Variants in CDIN1 observed in about 807,000 individuals in gnomAD.
The protein encoded by CDIN1 is CDAN1 interacting nuclease 1.
In CDIN1, 33 loss-of-function variants were observed where a neutral mutation model predicts 45.3. That is an observed-to-expected ratio of 0.73 (90% confidence interval 0.55 to 0.97). The LOEUF is 0.97. CDIN1 is among the 50% of genes least tolerant of loss of function. The pLI, the probability that CDIN1 is intolerant of heterozygous loss-of-function variation, is 0.00. For synonymous variants in CDIN1, 118 were observed against 124.4 expected, an observed-to-expected ratio of 0.95 and a Z score of 0.34; for missense variants, 303 against 339.4, an observed-to-expected ratio of 0.89 and a Z score of 0.84.
intron 10 of CDIN1, among the ~76,000 whole-genome samples, chr15:36,777,515 G>T (rs552034277): frequency 1.3e-5 from 2 of 152,082 alleles, no homozygotes; most frequent in East Asian, 3.9e-4. Context: ...GCCACACACA[G>T]TCAACCATTT....
chr15:36,739,990 A>T (rs571522169), intron 10 of CDIN1, among the ~76,000 whole-genome samples: 33 of 152,320 alleles, frequency 2.2e-4, no homozygotes, highest in South Asian at 1.7e-3. Flanking sequence ...AAAACAACAA[A>T]TTTATTTTGT....
chr15:36,686,802 T>G (rs1595470839), intron 5 of CDIN1, among the ~76,000 whole-genome samples: 11 of 101,516 alleles, frequency 1.1e-4, no homozygotes, highest in East Asian at 3.3e-4. Context: ...GACAGAAGGA[T>G]GGAGGGAGGG....
intron 3 of CDIN1, among the ~76,000 whole-genome samples, chr15:36,651,611 A>G (rs961860039): frequency 2.6e-5 from 4 of 152,194 alleles, no homozygotes; most frequent in Non-Finnish European, 5.9e-5. Context: ...ATTGGAAAAC[A>G]AATAAATTTA....
chr15:36,644,462 G>A lies in CDIN1; in HGVS notation c.147+139G>A, dbSNP rs1031510138. The A allele has an allele frequency of 2.6e-5, 22 of 838,230 alleles. 1 individual carries two copies. The highest frequency in any genetic ancestry group is 3.5e-4 in the Middle Eastern group (1 of 2,844). 51.9% of individuals were successfully genotyped at this position (838,230 alleles called of 1,614,324 possible). Reference sequence around the variant, plus strand: ...CCTTTCCACATCAAGCACCGCCTGCGTCTCGGTGGAGGCCTGCCAAGCCTA... The same window carrying A: ...CCTTTCCACATCAAGCACCGCCTGCATCTCGGTGGAGGCCTGCCAAGCCTA... On this transcript the variant is annotated intron_variant, in intron 2 of 10. Coordinates refer to ENST00000566621, the MANE Select transcript of CDIN1 (RefSeq NM_001321759.2).
intron 10 of CDIN1, among the ~76,000 whole-genome samples, chr15:36,762,182 T>G (rs546680633): frequency 6.6e-6 from 1 of 150,542 alleles, no homozygotes; most frequent in East Asian, 2.0e-4. Flanking sequence ...TTGTGAGCAC[T>G]CCTAGACTTC....
intron 10 of CDIN1, among the ~76,000 whole-genome samples, chr15:36,751,514 T>C (rs1226143409): frequency 1.3e-5 from 2 of 151,292 alleles, no homozygotes; most frequent in Non-Finnish European, 2.9e-5. Context: ...GGCAACATGG[T>C]GAGACCCCAT....
chr15:36,634,408 G>T (rs1390378228), intron 1 of CDIN1, among the ~76,000 whole-genome samples: 2 of 152,028 alleles, frequency 1.3e-5, no homozygotes, highest in Non-Finnish European at 2.9e-5. Flanking sequence ...TGCAGAGAGA[G>T]CAAGACTCCG....
At chr15:36,595,691 G>A (rs1398380086) in intron 1 of CDIN1, among the ~76,000 whole-genome samples, 3 of 152,182 alleles carry the variant, frequency 2.0e-5, no homozygotes, top group African/African-American at 7.2e-5. Context: ...TGGAATGGCA[G>A]GAAACCATGC....
chr15:36,725,862 A>G (rs1203850962), intron 10 of CDIN1, among the ~76,000 whole-genome samples: 1 of 152,008 alleles, frequency 6.6e-6, no homozygotes, highest in Non-Finnish European at 1.5e-5. Flanking sequence ...TTAAAAAAAA[A>G]TACTCTTTTT....
intron 10 of CDIN1, among the ~76,000 whole-genome samples, chr15:36,748,484 T>G (rs565490357): frequency 6.6e-6 from 1 of 152,128 alleles, no homozygotes; most frequent in East Asian, 1.9e-4. Context: ...CAACAAAGTT[T>G]GCCTCCAGCA....
At chr15:36,806,264 T>C (rs1042446757) in intron 10 of CDIN1, among the ~76,000 whole-genome samples, 1 of 152,208 alleles carries the variant, frequency 6.6e-6, no homozygotes, top group African/African-American at 2.4e-5. Context: ...AGCCTGGCTT[T>C]TCTGCCTAGA....
intron 4 of CDIN1, among the ~76,000 whole-genome samples, chr15:36,654,524 A>C (rs911258590): frequency 2.0e-5 from 3 of 150,780 alleles, no homozygotes; most frequent in East Asian, 1.9e-4. Flanking sequence ...AAAAAAAAAA[A>C]AAAAAAAACT....
At chr15:36,610,416 C>T (rs2038593079) in intron 1 of CDIN1, among the ~76,000 whole-genome samples, 1 of 152,142 alleles carries the variant, frequency 6.6e-6, no homozygotes, top group Non-Finnish European at 1.5e-5. Context: ...GTATGATTAT[C>T]TAGACGTAGT....
At chr15:36,799,260 C>T (rs1478912901) in intron 10 of CDIN1, 1 of 152,104 alleles carries the variant, frequency 6.6e-6, no homozygotes, top group African/African-American at 2.4e-5. Flanking sequence ...TCAAAGTAAA[C>T]ATAACTTCGG....
intron 1 of CDIN1, among the ~76,000 whole-genome samples, chr15:36,605,460 G>A (rs1166614225): frequency 6.6e-6 from 1 of 152,058 alleles, no homozygotes; most frequent in African/African-American, 2.4e-5. Flanking sequence ...ATTGCATGTT[G>A]ACTCCTTGCA....
At chr15:36,731,452 A>C (rs1874291748) in intron 10 of CDIN1, among the ~76,000 whole-genome samples, 1 of 152,122 alleles carries the variant, frequency 6.6e-6, no homozygotes, top group African/African-American at 2.4e-5. Context: ...AAACTGCATC[A>C]CCGATCTTTT....
chr15:36,613,344 G>T, intron 1 of CDIN1: 1 of 733,916 alleles, frequency 1.4e-6, no homozygotes, highest in South Asian at 1.6e-5. Flanking sequence ...TATTGATGAC[G>T]TAAAGTTAAA....
intron 5 of CDIN1, chr15:36,691,280 A>C: frequency 2.1e-6 from 1 of 482,998 alleles, no homozygotes; most frequent in Non-Finnish European, 4.1e-6. Context: ...GTCAGATTCA[A>C]AGACTTCAGA....
intron 10 of CDIN1, 118 bp from the exon 11 acceptor site, chr15:36,808,206 C>T (rs567145355): frequency 1.4e-6 from 2 of 1,466,560 alleles, no homozygotes; most frequent in East Asian, 4.6e-5. Context: ...TGGTAGCAAC[C>T]AAAACAAAAA....
Sources: gnomAD v4.1 joint callset for allele counts (sites outside exome capture counted in the v4.1 genomes callset) on GRCh38, gnomAD v4.1.1 for gene constraint, MANE v1.5 for transcripts, NCBI Gene and HGNC (gene_info 2026-07-23, HGNC 2026-07-21) for gene names.